The following TMEM178B variants were observed in gnomAD, a reference collection of about 807,000 sequenced individuals.
The protein encoded by TMEM178B is transmembrane protein 178B.
In TMEM178B, 5 loss-of-function variants were observed where a neutral mutation model predicts 31.0. That is an observed-to-expected ratio of 0.16 (90% CI 0.08 to 0.34). The LOEUF (loss-of-function observed/expected upper bound fraction) is 0.34. TMEM178B is among the 10% of genes least tolerant of loss of function. TMEM178B has a pLI of 1.00. For missense variants in TMEM178B, 275 were observed against 400.3 expected (o/e 0.69, Z 2.67); for synonymous variants, 164 against 164.0 (o/e 1.00, Z 0.00).
intron 2 of TMEM178B, among the ~76,000 whole-genome samples, chr7:141,375,041 A>C (rs901873209): frequency 6.6e-6 from 1 of 152,212 alleles, no homozygotes; most frequent in Non-Finnish European, 1.5e-5. Context: ...TTCGTAATTT[A>C]ATGTATCCTT....
At chr7:141,336,575 A>G (rs1388622909) in intron 2 of TMEM178B, among the ~76,000 whole-genome samples, 2 of 152,060 alleles carry the variant, frequency 1.3e-5, no homozygotes, top group African/African-American at 4.8e-5. Context: ...TAAAGTTCCT[A>G]ACACAAGGAT....
chr7:141,377,468 G>A (rs1393240160), intron 2 of TMEM178B, among the ~76,000 whole-genome samples: 2 of 151,800 alleles, frequency 1.3e-5, no homozygotes, highest in East Asian at 2.0e-4. Flanking sequence ...AAATCACTTC[G>A]TGACCAGCCT....
intron 2 of TMEM178B, among the ~76,000 whole-genome samples, chr7:141,377,600 G>A (rs181177567): frequency 2.6e-5 from 4 of 152,126 alleles, no homozygotes; most frequent in African/African-American, 7.2e-5. Flanking sequence ...GAACCCAGGA[G>A]GTGGAAGTTG....
chr7:141,183,421 C>T (rs893378970), intron 1 of TMEM178B, among the ~76,000 whole-genome samples: 2 of 152,174 alleles, frequency 1.3e-5, no homozygotes, highest in African/African-American at 4.8e-5. Flanking sequence ...ATTCTGCAAA[C>T]AGCTGGGTTT....
At chr7:141,102,679 T>A (rs141362933) in intron 1 of TMEM178B, among the ~76,000 whole-genome samples, 2 of 152,344 alleles carry the variant, frequency 1.3e-5, no homozygotes, top group East Asian at 1.9e-4. Context: ...CCCTATTTTT[T>A]AACCACATTC....
intron 2 of TMEM178B, among the ~76,000 whole-genome samples, chr7:141,218,442 C>G (rs1797196908): frequency 6.6e-6 from 1 of 152,154 alleles, no homozygotes; most frequent in Non-Finnish European, 1.5e-5. Flanking sequence ...AGAACTGTCT[C>G]ACTTACTGCA....
chr7:141,294,873 G>A (rs1798605032), intron 2 of TMEM178B, among the ~76,000 whole-genome samples: 1 of 152,134 alleles, frequency 6.6e-6, no homozygotes, highest in South Asian at 2.1e-4. Context: ...GCTACATCCT[G>A]GTGGAATGCA....
chr7:141,495,159 A>T, the TMEM178B span, among the ~76,000 whole-genome samples: 1 of 152,230 alleles, frequency 6.6e-6, no homozygotes, highest in East Asian at 1.9e-4. Context: ...ATCCCAAAAT[A>T]GATTTCAGAG....
At chr7:141,438,481 C>T (rs1801591721) in intron 3 of TMEM178B, among the ~76,000 whole-genome samples, 1 of 151,500 alleles carries the variant, frequency 6.6e-6, no homozygotes, top group Admixed American at 6.6e-5. Context: ...TGAAGTTGAC[C>T]ACTGGGTATG....
At position 141,471,840 on chromosome 7, in the gene TMEM178B, G is replaced by A. The variant is rs997341655; in HGVS notation, c.*1054G>A. On this transcript the variant is annotated 3_prime_UTR_variant, in exon 4 of 4. Transcript: ENST00000565468. The surrounding 1 kb of genome is among the most constrained non-coding windows in gnomAD (Gnocchi z 4.1). ...TGTGGTGGATGTTTCTTGAGCGTGG[G>A]GTTTTATTGTTTGTGTTGTGTTTTT... is the stretch of plus-strand genomic sequence containing the variant. The A allele has an allele frequency of 3.3e-5, 5 of 151,590 alleles. No homozygotes were observed. The highest frequency in any genetic ancestry group is 3.3e-4 in the Admixed American group (5 of 15,172). The allele number at this position is 151,590 out of a possible 1,614,324, so 9.4% of individuals were successfully genotyped here. A position where few individuals can be genotyped will look rare whatever the true frequency, so the allele number is the denominator to read the frequency against.
At chr7:141,337,898 C>T (rs1194605945) in intron 2 of TMEM178B, among the ~76,000 whole-genome samples, 1 of 151,928 alleles carries the variant, frequency 6.6e-6, no homozygotes, top group Non-Finnish European at 1.5e-5. Context: ...AGTGCAGTGA[C>T]ACAATCTCGG....
At chr7:141,092,196 ACC>A (rs1336190402) in intron 1 of TMEM178B, among the ~76,000 whole-genome samples, 2 of 152,100 alleles carry the variant, frequency 1.3e-5, no homozygotes, top group Non-Finnish European at 2.9e-5. Context: ...ATTCTTGGTT[ACC>A]CTACCAATTT....
chr7:141,334,635 A>G (rs1240130805), intron 2 of TMEM178B, among the ~76,000 whole-genome samples: 1 of 152,206 alleles, frequency 6.6e-6, no homozygotes, highest in Non-Finnish European at 1.5e-5. Context: ...GGGTAGGTGA[A>G]GAAAGCCCCA....
At chr7:141,405,491 C>G (rs1800868311) in intron 2 of TMEM178B, among the ~76,000 whole-genome samples, 1 of 152,250 alleles carries the variant, frequency 6.6e-6, no homozygotes, top group African/African-American at 2.4e-5. Context: ...AGGAGAAAAA[C>G]ACACTCCCAG....
chr7:141,259,579 G>T (rs1797982071), intron 2 of TMEM178B, among the ~76,000 whole-genome samples: 1 of 152,074 alleles, frequency 6.6e-6, no homozygotes, highest in African/African-American at 2.4e-5. Context: ...TTTTTCCATG[G>T]GGATTGTCAC....
intron 3 of TMEM178B, among the ~76,000 whole-genome samples, chr7:141,470,268 C>T (rs1406528604): frequency 1.3e-5 from 2 of 152,142 alleles, no homozygotes; most frequent in Non-Finnish European, 1.5e-5. Context: ...TATTTAGCAT[C>T]TTCCCAAAGG....
At chr7:141,200,152 A>G (rs1009667550) in intron 1 of TMEM178B, among the ~76,000 whole-genome samples, 4 of 152,040 alleles carry the variant, frequency 2.6e-5, no homozygotes, top group African/African-American at 7.2e-5. Context: ...AAGTCTTAGG[A>G]TGGTGGGTGT....
At chr7:141,167,683 A>G (rs890952061) in intron 1 of TMEM178B, among the ~76,000 whole-genome samples, 3 of 152,280 alleles carry the variant, frequency 2.0e-5, no homozygotes, top group South Asian at 4.1e-4. Flanking sequence ...GCTGTCCTCA[A>G]ATGCATAATT....
At chr7:141,313,144 G>A (rs1798942874) in intron 2 of TMEM178B, among the ~76,000 whole-genome samples, 1 of 152,182 alleles carries the variant, frequency 6.6e-6, no homozygotes, top group African/African-American at 2.4e-5. Context: ...AGGGATTGGA[G>A]TCACTGTTTT....
Sources: gnomAD v4.1 joint callset for allele counts (sites outside exome capture counted in the v4.1 genomes callset) on GRCh38, gnomAD v4.1.1 for gene constraint, Gnocchi (gnomAD v3.1) non-coding constraint, MANE v1.5 for transcripts, NCBI Gene and HGNC (gene_info 2026-07-23, HGNC 2026-07-21) for gene names.